SDCCAG8: variants seen among roughly 807,000 people sequenced by gnomAD.
SDCCAG8 encodes the protein serologically defined colon cancer antigen 8.
Under a neutral mutation model 101.8 loss-of-function variants are expected in SDCCAG8, and 74 were observed. The ratio of observed to expected loss-of-function variants is 0.73; its 90% confidence interval spans 0.60 to 0.88. SDCCAG8 has a LOEUF of 0.88. Among genes scored for constraint, SDCCAG8 ranks in the 40% least tolerant of loss-of-function variants. The pLI is 0.00. For missense variants in SDCCAG8, 787 were observed against 822.6 expected, an observed-to-expected ratio of 0.96 and a Z score of 0.53; for synonymous variants, 281 against 292.9, an observed-to-expected ratio of 0.96 and a Z score of 0.41.
intron 13 of SDCCAG8, among the ~76,000 whole-genome samples, chr1:243,393,811 A>G (rs1452221278): frequency 6.6e-6 from 1 of 152,204 alleles, no homozygotes; most frequent in African/African-American, 2.4e-5. Flanking sequence ...AAAATGAAAA[A>G]CTAAAAGCAA....
intron 13 of SDCCAG8, among the ~76,000 whole-genome samples, chr1:243,382,504 C>T (rs1177241443): frequency 6.6e-6 from 1 of 152,014 alleles, no homozygotes; most frequent in Non-Finnish European, 1.5e-5. Context: ...TACCATTATC[C>T]TTCATTTATT....
At chr1:243,411,649 G>A (rs906083510) in intron 13 of SDCCAG8, among the ~76,000 whole-genome samples, 2 of 152,220 alleles carry the variant, frequency 1.3e-5, no homozygotes, top group East Asian at 3.9e-4. Context: ...GTCCCTTAGT[G>A]TTTACTTTTC....
intron 16 of SDCCAG8, among the ~76,000 whole-genome samples, chr1:243,429,136 T>C (rs1013196169): frequency 7.9e-5 from 12 of 152,204 alleles, no homozygotes; most frequent in Non-Finnish European, 5.9e-5. Context: ...GTAGCTTAGA[T>C]TGAAGTTTGC....
chr1:243,358,751 T>A (rs957665038), intron 12 of SDCCAG8, among the ~76,000 whole-genome samples: 1 of 152,150 alleles, frequency 6.6e-6, no homozygotes, highest in Non-Finnish European at 1.5e-5. Context: ...GGTGTGTGTA[T>A]ATAGATACAT....
At position 243,315,290 on chromosome 1, in the gene SDCCAG8, A is replaced by G. The variant is rs184576976; in HGVS notation, c.930-1465A>G. The stretch of plus-strand genomic sequence containing the variant: ...GGAAATGCAAATAGACACATATTCA[A>G]TTTTGCTGGTGTTTATTTTTTTACT... On this transcript the variant is annotated intron_variant, in intron 8 of 17. Transcript: ENST00000366541. Among the ~76,000 whole-genome samples, 275 of 152,288 alleles carry G rather than the reference A, an allele frequency of 1.8e-3. 3 individuals carry two copies. Among genetic ancestry groups the G allele is most frequent in the African/African-American group, 6.3e-3 (260 of 41,556 alleles).
At chr1:243,277,490 G>A (rs1053649819) in intron 4 of SDCCAG8, among the ~76,000 whole-genome samples, 3 of 152,170 alleles carry the variant, frequency 2.0e-5, no homozygotes. Context: ...TTAAAATCAG[G>A]TTATTCGTTT....
Position 243,256,199 on chromosome 1 carries a change from C to A in SDCCAG8, c.26C>A (p.Thr9Asn). MAKSPENSTLEEILGQYQR... is the reference protein window; with the variant it reads MAKSPENSNLEEILGQYQR... ...ATGGCGAAGTCCCCGGAGAACTCTA[C>A]CCTGGAGGAGATTCTGGGGCAGTAT... Residue 9 changes from threonine to asparagine, a missense_variant, in exon 1 of 18, where the codon ACC becomes AAC. Coordinates refer to ENST00000366541, the MANE Select transcript of SDCCAG8 (RefSeq NM_006642.5). The A allele has an allele frequency of 6.2e-7, 1 of 1,614,206 alleles. No homozygotes were observed. The highest frequency in any genetic ancestry group is 2.2e-5 in the East Asian group (1 of 44,886).
rs1377825469 is a variant in SDCCAG8 at position 243,458,845 on chromosome 1, C to T, written c.1986-30169C>T. Among the ~76,000 whole-genome samples the T allele has an allele frequency of 6.6e-6, 1 of 152,250 alleles. No homozygotes were observed. The highest frequency in any genetic ancestry group is 1.5e-5 in the Non-Finnish European group (1 of 68,042). ...CGGCATTCCTGCCACTAAACTGCCA[C>T]TGTTTTCCTACAAGGGACGTCTGAT... On this transcript the variant is annotated intron_variant, in intron 16 of 17. Transcript: ENST00000366541. The surrounding 1 kb of genome is among the most constrained non-coding windows in gnomAD (Gnocchi z 4.5).
chr1:243,371,104 T>C (rs2077264284), intron 12 of SDCCAG8, among the ~76,000 whole-genome samples: 1 of 152,012 alleles, frequency 6.6e-6, no homozygotes, highest in Non-Finnish European at 1.5e-5. Flanking sequence ...CTTTGCACAT[T>C]GAGATCCTTG....
intron 16 of SDCCAG8, among the ~76,000 whole-genome samples, chr1:243,427,981 G>C (rs755791056): frequency 2.0e-5 from 3 of 152,188 alleles, no homozygotes; most frequent in Non-Finnish European, 4.4e-5. Context: ...CTTGGAAAAA[G>C]TAAAGACCAT....
At chr1:243,294,488 A>AGAGAGAGAAAGAGC (rs2070616717) in intron 6 of SDCCAG8, among the ~76,000 whole-genome samples, 2 of 110,778 alleles carry the variant, frequency 1.8e-5, no homozygotes, top group Non-Finnish European at 3.9e-5. Flanking sequence ...GGGGGGAGAG[A>AGAGAGAGAAAGAGC]GAGAGAGAGA....
At chr1:243,263,520 A>G (rs895955997) in intron 1 of SDCCAG8, among the ~76,000 whole-genome samples, 1 of 152,212 alleles carries the variant, frequency 6.6e-6, no homozygotes, top group African/African-American at 2.4e-5. Flanking sequence ...TACTTCTTTT[A>G]TCAGTGGAAA....
At chr1:243,394,985 C>G (rs983443939) in intron 13 of SDCCAG8, among the ~76,000 whole-genome samples, 1 of 152,030 alleles carries the variant, frequency 6.6e-6, no homozygotes, top group African/African-American at 2.4e-5. Context: ...ACGGTGTTCT[C>G]TGAGTTCCTG....
At chr1:243,274,405 T>C (rs2068353258) in intron 3 of SDCCAG8, 138 bp from the exon 4 acceptor site, 5 of 593,864 alleles carry the variant, frequency 8.4e-6, no homozygotes, top group Non-Finnish European at 1.2e-5. Flanking sequence ...TTGTGATCGA[T>C]TCTATGTTTA....
Position 243,271,050 on chromosome 1 carries a change from A to G in SDCCAG8, c.293A>G (p.Lys98Arg). Reference protein sequence around the residue: ...ESEVSPSRRRKMSPLRSLEHE... With the variant: ...ESEVSPSRRRRMSPLRSLEHE... ...GAAGTATCTCCGTCAAGAAGAAGAA[A>G]AATGTCCCCCTTGGTAAGTATCAAC... Residue 98 changes from lysine to arginine, a missense_variant, in exon 3 of 18, where the codon AAA becomes AGA. Lys to Arg is a conservative substitution (Grantham distance 26). Transcript: ENST00000366541. 2 of 1,610,620 alleles carry G rather than the reference A, an allele frequency of 1.2e-6. No individual in the cohort carries two copies. The highest frequency in any genetic ancestry group is 2.2e-5 in the South Asian group (2 of 91,020).
chr1:243,323,484 C>T (rs2073921614), intron 9 of SDCCAG8, among the ~76,000 whole-genome samples: 1 of 152,124 alleles, frequency 6.6e-6, no homozygotes, highest in South Asian at 2.1e-4. Context: ...TCTATGTCAT[C>T]ACATTTTTCT....
At chr1:243,440,771 G>C (rs186692910) in intron 16 of SDCCAG8, among the ~76,000 whole-genome samples, 5 of 152,276 alleles carry the variant, frequency 3.3e-5, no homozygotes, top group South Asian at 2.1e-4. Flanking sequence ...AATGCCTTTC[G>C]TGCTTTTGAA....
intron 16 of SDCCAG8, among the ~76,000 whole-genome samples, chr1:243,437,285 T>G (rs1010159543): frequency 1.3e-5 from 2 of 152,172 alleles, no homozygotes; most frequent in Non-Finnish European, 2.9e-5. Flanking sequence ...ATCCCTGTAT[T>G]TATTAACATG....
intron 12 of SDCCAG8, 74 bp downstream of exon 12, chr1:243,344,405 A>T: frequency 9.3e-7 from 1 of 1,071,376 alleles, no homozygotes; most frequent in South Asian, 1.3e-5. Flanking sequence ...ATGTTGTTTT[A>T]TTCCTAATTT....
Sources: allele counts gnomAD v4.1 joint callset (sites outside exome capture counted in the v4.1 genomes callset), GRCh38; gene constraint gnomAD v4.1.1; non-coding constraint Gnocchi (gnomAD v3.1); transcripts MANE v1.5; gene names NCBI Gene and HGNC (gene_info 2026-07-23, HGNC 2026-07-21).